Variants in PPFIA2 observed in about 807,000 individuals in gnomAD.
PPFIA2 encodes the protein PPFI scaffold protein A2, also known as liprin-alpha-2.
A neutral mutation model predicts 175.5 loss-of-function variants in PPFIA2; 46 were observed. The ratio of observed to expected loss-of-function variants is 0.26; its 90% CI spans 0.21 to 0.34. The LOEUF (loss-of-function observed/expected upper bound fraction) is 0.34, where lower values mean the gene tolerates loss of function less well. PPFIA2 is among the 10% of genes least tolerant of loss of function. PPFIA2 has a pLI of 1.00. For missense variants in PPFIA2, 1,179 were observed against 1,506.1 expected (o/e 0.78, Z 3.60); for synonymous variants, 568 against 511.4 (o/e 1.11, Z -1.49).
chr12:81,446,021 GA>G, intron 5 of PPFIA2, among the ~76,000 whole-genome samples: 1 of 152,106 alleles, frequency 6.6e-6, no homozygotes, highest in East Asian at 1.9e-4. Flanking sequence ...AGAACACTTG[GA>G]AAAATATGTA....
At chr12:81,267,260 G>A (rs12826016) in intron 29 of PPFIA2, 211,371 of 563,918 alleles carry the variant, frequency 0.37, 46,234 homozygotes, top group Non-Finnish European at 0.47. Flanking sequence ...GAGGTCAAGA[G>A]GCTTTGGCCT....
intron 3 of PPFIA2, among the ~76,000 whole-genome samples, chr12:81,727,772 T>C (rs2080284180): frequency 6.6e-6 from 1 of 151,422 alleles, no homozygotes; most frequent in Non-Finnish European, 1.5e-5. Context: ...GTGATCCTGA[T>C]GTAAGAGATT....
chr12:81,722,968 A>G (rs181752659), intron 3 of PPFIA2, among the ~76,000 whole-genome samples: 2 of 151,272 alleles, frequency 1.3e-5, no homozygotes, highest in Admixed American at 1.3e-4. Context: ...GGTTCAGAAA[A>G]TACATGAATA....
intron 3 of PPFIA2, among the ~76,000 whole-genome samples, chr12:81,715,443 A>G (rs2078480906): frequency 6.6e-6 from 1 of 151,774 alleles, no homozygotes; most frequent in African/African-American, 2.4e-5. Context: ...TGCAAATAAA[A>G]TTACATTTTC....
chr12:81,445,748 A>T, intron 5 of PPFIA2, 28 bp from the exon 6 acceptor site: 1 of 1,597,064 alleles, frequency 6.3e-7, no homozygotes, highest in Non-Finnish European at 8.5e-7. Flanking sequence ...AAATGCAATT[A>T]TCTTATGAAT....
intron 4 of PPFIA2, among the ~76,000 whole-genome samples, chr12:81,514,211 G>C (rs1239635418): frequency 6.6e-6 from 1 of 151,894 alleles, no homozygotes; most frequent in Non-Finnish European, 1.5e-5. Flanking sequence ...TCAGTGCAAT[G>C]AGCAGAATTG....
chr12:81,482,496 C>T (rs576538397), intron 4 of PPFIA2, among the ~76,000 whole-genome samples: 1 of 152,294 alleles, frequency 6.6e-6, no homozygotes, highest in East Asian at 1.9e-4. Flanking sequence ...CCCATATGTC[C>T]ATCAGTGATA....
intron 3 of PPFIA2, among the ~76,000 whole-genome samples, chr12:81,742,823 G>A (rs1037868302): frequency 6.6e-6 from 1 of 152,158 alleles, no homozygotes; most frequent in East Asian, 1.9e-4. Context: ...AACAAAGGAG[G>A]AAAACCAGGC....
At chr12:81,473,597 A>G (rs754883118) in intron 4 of PPFIA2, among the ~76,000 whole-genome samples, 2 of 152,202 alleles carry the variant, frequency 1.3e-5, no homozygotes, top group Non-Finnish European at 2.9e-5. Flanking sequence ...GCAGCCGCAT[A>G]ATATTCCTTG....
At chr12:81,356,651 A>G (rs2060896306) in intron 16 of PPFIA2, among the ~76,000 whole-genome samples, 1 of 152,112 alleles carries the variant, frequency 6.6e-6, no homozygotes, top group Non-Finnish European at 1.5e-5. Flanking sequence ...TGACAGAATA[A>G]TACCCTGTCT....
intron 4 of PPFIA2, among the ~76,000 whole-genome samples, chr12:81,514,945 T>C (rs1010382290): frequency 7.9e-5 from 12 of 152,030 alleles, no homozygotes; most frequent in Non-Finnish European, 1.8e-4. Flanking sequence ...TTTCTTCTTA[T>C]CCACTTTTTT....
At chr12:81,642,018 T>C (rs1258327135) in intron 4 of PPFIA2, among the ~76,000 whole-genome samples, 2 of 152,166 alleles carry the variant, frequency 1.3e-5, no homozygotes, top group Non-Finnish European at 1.5e-5. Context: ...TCCTATCATA[T>C]GACACAATTC....
chr12:81,388,904 C>A (rs536949648), intron 8 of PPFIA2, among the ~76,000 whole-genome samples: 2 of 151,366 alleles, frequency 1.3e-5, no homozygotes, highest in Non-Finnish European at 2.9e-5. Context: ...TTATATATGA[C>A]GCATGGTATA....
Position 81,598,621 on chromosome 12 carries a change from AT to A in PPFIA2, c.303+78169del, listed in dbSNP as rs562586673. 3.7e-3 allele frequency among the ~76,000 whole-genome samples: 544 copies of A among 147,330 alleles called. 1 individual carries two copies. Among genetic ancestry groups the A allele is most frequent in the African/African-American group, 0.013 (517 of 40,270 alleles). Reference sequence around the variant, plus strand: ...CTCCCAGACTTTTCAACAAGATGTGATTTTTTTTTTACAAAGCCTTTTTTTT... The same window carrying A: ...CTCCCAGACTTTTCAACAAGATGTGATTTTTTTTTACAAAGCCTTTTTTTT... On this transcript the variant is annotated intron_variant, in intron 4 of 32. Transcript: ENST00000549396.
At chr12:81,737,442 AT>A (rs1488389756) in intron 3 of PPFIA2, among the ~76,000 whole-genome samples, 1 of 152,034 alleles carries the variant, frequency 6.6e-6, no homozygotes, top group African/African-American at 2.4e-5. Context: ...GCCAAAAAAA[AT>A]AAATGTTCCC....
chr12:81,620,906 AT>A (rs1187674420), intron 4 of PPFIA2, among the ~76,000 whole-genome samples: 2 of 152,206 alleles, frequency 1.3e-5, no homozygotes, highest in African/African-American at 4.8e-5. Context: ...AAATAAAATG[AT>A]GTTCCAAAAG....
chr12:81,652,152 C>T (rs2067125629), intron 4 of PPFIA2, among the ~76,000 whole-genome samples: 1 of 150,152 alleles, frequency 6.7e-6, no homozygotes, highest in Non-Finnish European at 1.5e-5. Context: ...GGAGATGAGC[C>T]AAATTTGAAA....
chr12:81,311,708 G>C (rs2050878715), intron 22 of PPFIA2, among the ~76,000 whole-genome samples: 1 of 145,724 alleles, frequency 6.9e-6, no homozygotes, highest in African/African-American at 2.6e-5. Context: ...ACTCCAGCCT[G>C]GGCAACATAG....
intron 4 of PPFIA2, among the ~76,000 whole-genome samples, chr12:81,463,492 C>T (rs950657157): frequency 5.3e-5 from 8 of 152,108 alleles, no homozygotes; most frequent in Non-Finnish European, 1.2e-4. Context: ...AAGTGACTTT[C>T]CCCACTCTAT....
Sources: gnomAD v4.1 joint callset for allele counts (sites outside exome capture counted in the v4.1 genomes callset) on GRCh38, gnomAD v4.1.1 for gene constraint, MANE v1.5 for transcripts, NCBI Gene and HGNC (gene_info 2026-07-23, HGNC 2026-07-21) for gene names.